The following FSTL4 variants were observed in gnomAD, a reference collection of about 807,000 sequenced individuals.
FSTL4 encodes the protein follistatin like 4.
In FSTL4, 28 loss-of-function variants were observed where a neutral mutation model predicts 78.2. The observed-to-expected ratio is 0.36, with a 90% CI of 0.27 to 0.49. The LOEUF (loss-of-function observed/expected upper bound fraction) is 0.49, where lower values mean the gene tolerates loss of function less well. Among genes scored for constraint, FSTL4 ranks in the 20% least tolerant of loss-of-function variants. The probability of loss-of-function intolerance (pLI) is 0.98; values close to 1 mark genes in which losing one functional copy is unlikely to be tolerated. For missense variants in FSTL4, 922 were observed against 1,084.9 expected (o/e 0.85, Z 2.11); for synonymous variants, 422 against 440.5 (o/e 0.96, Z 0.53).
intron 1 of FSTL4, among the ~76,000 whole-genome samples, chr5:133,608,633 C>T (rs373378688): frequency 6.6e-6 from 1 of 152,186 alleles, no homozygotes. Flanking sequence ...TGCTGAAGGA[C>T]CTCCACTAGA....
chr5:133,680,796 G>A, the FSTL4 span, among the ~76,000 whole-genome samples: 1 of 152,226 alleles, frequency 6.6e-6, no homozygotes, highest in Non-Finnish European at 1.5e-5. Flanking sequence ...CACAACAGCT[G>A]CCATCTGCAA....
chr5:133,593,160 G>A (rs548105165), intron 2 of FSTL4, among the ~76,000 whole-genome samples: 1 of 152,164 alleles, frequency 6.6e-6, no homozygotes, highest in Admixed American at 6.5e-5. Flanking sequence ...GCTGAATGTG[G>A]CTGCCCTGTG....
chr5:133,517,013 G>A (rs1453695485), intron 3 of FSTL4, among the ~76,000 whole-genome samples: 2 of 151,760 alleles, frequency 1.3e-5, no homozygotes, highest in African/African-American at 2.4e-5. Flanking sequence ...GGAATTCGAG[G>A]CTACAGTAAG....
intron 3 of FSTL4, among the ~76,000 whole-genome samples, chr5:133,457,543 A>C (rs528721645): frequency 1.3e-5 from 2 of 152,348 alleles, no homozygotes; most frequent in South Asian, 4.1e-4. Context: ...TTCCTTTGAA[A>C]TGCTGTGAAG....
At chr5:133,775,130 G>T in the FSTL4 span, among the ~76,000 whole-genome samples, 1 of 152,158 alleles carries the variant, frequency 6.6e-6, no homozygotes, top group Non-Finnish European at 1.5e-5. Flanking sequence ...GAGAGGTCTT[G>T]ATCAAGACAA....
At chr5:133,674,603 G>C in the FSTL4 span, among the ~76,000 whole-genome samples, 4 of 149,166 alleles carry the variant, frequency 2.7e-5, no homozygotes, top group Admixed American at 6.7e-5. Flanking sequence ...GTGTGTGTGT[G>C]TGTGTGTCTG....
At chr5:133,398,122 T>G (rs1191975941) in intron 4 of FSTL4, among the ~76,000 whole-genome samples, 32 of 152,082 alleles carry the variant, frequency 2.1e-4, no homozygotes, top group Admixed American at 2.1e-3. Flanking sequence ...GAGCCATGGT[T>G]CTGGTGAAGG....
intron 3 of FSTL4, among the ~76,000 whole-genome samples, chr5:133,551,356 A>G (rs1759687503): frequency 6.6e-6 from 1 of 152,240 alleles, no homozygotes; most frequent in Admixed American, 6.5e-5. Flanking sequence ...TAAAAATAAT[A>G]AAGCAGAAAA....
chr5:133,700,411 G>C, the FSTL4 span, among the ~76,000 whole-genome samples: 3 of 124,558 alleles, frequency 2.4e-5, no homozygotes, highest in Non-Finnish European at 5.0e-5. Context: ...TCAGACCAAA[G>C]CACCACACCA....
chr5:133,806,647 C>A, the FSTL4 span, among the ~76,000 whole-genome samples: 2 of 152,138 alleles, frequency 1.3e-5, no homozygotes, highest in Non-Finnish European at 2.9e-5. Flanking sequence ...TTCCTGAGCT[C>A]GACGTTCAGG....
the FSTL4 span, among the ~76,000 whole-genome samples, chr5:133,636,413 C>G: frequency 6.6e-6 from 1 of 150,474 alleles, no homozygotes; most frequent in Non-Finnish European, 1.5e-5. Flanking sequence ...TAGGCAGGGT[C>G]TTTTACATGT....
chr5:133,231,062 C>G (rs1042545285), intron 8 of FSTL4, among the ~76,000 whole-genome samples: 3 of 152,090 alleles, frequency 2.0e-5, no homozygotes, highest in Admixed American at 2.0e-4. Context: ...CCACCTCCTA[C>G]CTAGACACCA....
chr5:133,696,349 T>C, the FSTL4 span, among the ~76,000 whole-genome samples: 1 of 152,218 alleles, frequency 6.6e-6, no homozygotes, highest in Non-Finnish European at 1.5e-5. Context: ...CCTGTGACCA[T>C]CCTCTGGGCA....
chr5:133,211,244 C>G (rs1397641891), intron 13 of FSTL4, among the ~76,000 whole-genome samples: 1 of 152,206 alleles, frequency 6.6e-6, no homozygotes, highest in Non-Finnish European at 1.5e-5. Context: ...AGATTACAAG[C>G]TCAAAAACTC....
At chr5:133,523,707 A>G (rs1759031557) in intron 3 of FSTL4, among the ~76,000 whole-genome samples, 1 of 152,198 alleles carries the variant, frequency 6.6e-6, no homozygotes, top group Admixed American at 6.5e-5. Flanking sequence ...TACTCAATAA[A>G]CAGCAACTAC....
intron 3 of FSTL4, among the ~76,000 whole-genome samples, chr5:133,441,325 C>T (rs542587803): frequency 6.6e-6 from 1 of 152,318 alleles, no homozygotes; most frequent in East Asian, 1.9e-4. Flanking sequence ...GCACTCCTGG[C>T]TTGCCCTGTG....
the FSTL4 span, among the ~76,000 whole-genome samples, chr5:133,777,635 G>A: frequency 2.0e-5 from 3 of 152,138 alleles, no homozygotes; most frequent in Non-Finnish European, 4.4e-5. Flanking sequence ...ATTTATGGGA[G>A]GTTTTCAACA....
intron 4 of FSTL4, among the ~76,000 whole-genome samples, chr5:133,353,183 A>G (rs1434872594): frequency 6.6e-6 from 1 of 152,064 alleles, no homozygotes; most frequent in African/African-American, 2.4e-5. Context: ...TTACAAATAA[A>G]CACCCTCCTG....
Position 133,583,452 on chromosome 5 carries a change from A to G in FSTL4, c.127-16233T>C, listed in dbSNP as rs1489786675. 15 of 219,424 alleles carry G rather than the reference A, an allele frequency of 6.8e-5. 2 individuals carry two copies. The Admixed American group carries it at 8.7e-4, about 13-fold the overall frequency. The allele number at this position is 219,424 out of a possible 1,614,324, so 13.6% of individuals were successfully genotyped here. ...GGCCAGTGTGTGCGCACCGTGCGCG[A>G]GCCGAAGCAGGGCGAGGCATTGCCT... On this transcript the variant is annotated intron_variant, in intron 2 of 15. Transcript: ENST00000265342.
Sources: allele counts gnomAD v4.1 joint callset (sites outside exome capture counted in the v4.1 genomes callset), GRCh38; gene constraint gnomAD v4.1.1; transcripts MANE v1.5; gene names NCBI Gene and HGNC (gene_info 2026-07-23, HGNC 2026-07-21).